Variants in CDH16 observed in about 807,000 individuals in gnomAD.
The protein encoded by CDH16 is cadherin 16, also known as cadherin-16.
In CDH16, 79 loss-of-function variants were observed where a neutral mutation model predicts 87.6. The ratio of observed to expected loss-of-function variants is 0.90; its 90% confidence interval spans 0.75 to 1.09. The LOEUF is 1.09. CDH16 is among the 50% of genes least tolerant of loss of function. CDH16 has a pLI of 0.00. For missense variants in CDH16, 1,124 were observed against 1,071.7 expected (o/e 1.05, Z -0.68); for synonymous variants, 457 against 439.5 (o/e 1.04, Z -0.50).
Position 66,916,120 on chromosome 16 carries a change from C to T in CDH16, c.369G>A (p.Val123=), listed in dbSNP as rs757135504. The change falls in exon 5 of 18, where the codon GTG becomes GTA. Residue 123 remains valine (V), a synonymous_variant. Transcript: ENST00000299752. This position sits in a 1 kb window ranked among gnomAD's most constrained non-coding sequence, Gnocchi z 4.1. ...TGTAGATGGCTTGAGAGAAATGGGG[C>T]ACCTGGTCATTCTCATCCTTCACGT... The part of the protein sequence containing the change: ...LVHVKDENDQ[V]PHFSQAIYRA... 6 of 1,614,104 alleles carry T rather than the reference C, an allele frequency of 3.7e-6. No individual in the cohort carries two copies. In the Admixed American group the frequency reaches 8.3e-5, roughly 22 times the overall value.
In CDH16 at chr16:66,912,015, C is replaced by T; in HGVS notation, c.1674G>A (p.Val558=). Residue 558 remains valine, a synonymous_variant, in exon 13 of 18, where the codon GTG becomes GTA. Transcript: ENST00000299752. ...CCTGGTCCAACTTGGGGGGTGGCAT[C>T]ACTCTCTCCACTAGCACAGTCACCG... The part of the protein sequence containing the change: ...TATVTVLVER[V]MPPPKLDQES... The T allele has an allele frequency of 8.1e-6, 13 of 1,614,160 alleles. No homozygotes were observed. Among genetic ancestry groups the T allele is most frequent in the Non-Finnish European group, 1.1e-5 (13 of 1,180,024 alleles).
Position 66,914,422 on chromosome 16 carries a change from G to A in CDH16, c.584-10C>T, listed in dbSNP as rs1238313286. On this transcript the variant is annotated splice_polypyrimidine_tract_variant and intron_variant, in intron 6 of 17. Coordinates refer to ENST00000299752, the MANE Select transcript of CDH16 (RefSeq NM_004062.4). ...TCAAGGCTGGTGCTCCCTAGAACAG[G>A]GAGGATGGTCAGCTGAGCAGGCAGC... 1.2e-6 allele frequency: 2 copies of A among 1,606,042 alleles called. No homozygotes were observed. The highest frequency in any genetic ancestry group is 1.7e-6 in the Non-Finnish European group (2 of 1,173,810).
Position 66,909,137 on chromosome 16 carries a change from T to C in CDH16, c.2392+130A>G. 1.4e-6 allele frequency: 1 copy of C among 699,848 alleles called. No individual in the cohort carries two copies. Among genetic ancestry groups the C allele is most frequent in the South Asian group, 1.5e-5 (1 of 65,878 alleles). 43.4% of individuals were successfully genotyped at this position (699,848 alleles called of 1,614,324 possible). ...CTATGATCAAAGGGCAGGCGCATAATGACTAGGAGAGTTGGGGGCTTCCTT... is the reference window on the plus strand; with the variant it reads ...CTATGATCAAAGGGCAGGCGCATAACGACTAGGAGAGTTGGGGGCTTCCTT... On this transcript the variant is annotated intron_variant, in intron 17 of 17. Coordinates refer to ENST00000299752, the MANE Select transcript of CDH16 (RefSeq NM_004062.4). This position sits in a 1 kb window ranked among gnomAD's most constrained non-coding sequence, Gnocchi z 4.1.
chr16:66,917,529 C>T, intron 3 of CDH16, 113 bp downstream of exon 3: 1 of 775,822 alleles, frequency 1.3e-6, no homozygotes, highest in Non-Finnish European at 2.3e-6. Flanking sequence ...TACATACTCT[C>T]TGGAAAGCAG....
At chr16:66,917,070 G>C (rs1351541600) in intron 3 of CDH16, among the ~76,000 whole-genome samples, 2 of 151,380 alleles carry the variant, frequency 1.3e-5, no homozygotes, top group Admixed American at 1.3e-4. Flanking sequence ...CGGCTCACCT[G>C]AGGTGAGGTG....
At chr16:66,917,846 C>T (rs1038060609) in intron 2 of CDH16, 121 bp from the exon 3 acceptor site, 15 of 1,014,712 alleles carry the variant, frequency 1.5e-5, no homozygotes, top group East Asian at 7.9e-5. Flanking sequence ...TCCATCCACC[C>T]GCGCTCTGGT....
At chr16:66,912,635 G>A in intron 10 of CDH16, 29 bp downstream of exon 10, 2 of 1,613,968 alleles carry the variant, frequency 1.2e-6, no homozygotes, top group East Asian at 4.5e-5. Context: ...AGGGGACAGG[G>A]GGCCTGGGTC....
Position 66,912,353 on chromosome 16 carries a change from G to C in CDH16, c.1437C>G (p.Leu479=), listed in dbSNP as rs369804638. 7.4e-6 allele frequency: 12 copies of C among 1,614,020 alleles called. No homozygotes were observed. The highest frequency in any genetic ancestry group is 6.7e-5 in the East Asian group (3 of 44,886). The change falls in exon 12 of 18, where the codon CTC becomes CTG. Residue 479 remains leucine (L), a synonymous_variant. Transcript: ENST00000299752. ...VAMLTAIDAD[L]EPAFRLMDFA... Reference sequence around the variant, plus strand: ...AATCCATGAGGCGGAAGGCGGGCTCGAGGTCAGCATCAATGGCTGTTAGCA... The same window carrying C: ...AATCCATGAGGCGGAAGGCGGGCTCCAGGTCAGCATCAATGGCTGTTAGCA...
chr16:66,913,390 C>A, intron 8 of CDH16, 101 bp downstream of exon 8: 1 of 1,573,648 alleles, frequency 6.4e-7, no homozygotes. Flanking sequence ...GGGCTCTTTC[C>A]CACTGCCTCA....
chr16:66,913,359 TG>T, intron 8 of CDH16, 78 bp from the exon 9 acceptor site: 1 of 1,553,038 alleles, frequency 6.4e-7, no homozygotes, highest in Non-Finnish European at 8.7e-7. Flanking sequence ...TTCCTTCCGG[TG>T]GGCCAGCTCC....
chr16:66,913,424 C>T, intron 8 of CDH16, 67 bp downstream of exon 8: 4 of 1,607,396 alleles, frequency 2.5e-6, no homozygotes, highest in Admixed American at 1.7e-5. Context: ...TTGTGACACC[C>T]CCAAAAGCCA....
At position 66,913,507 on chromosome 16, in the gene CDH16, C is replaced by G. The variant is rs777537470; in HGVS notation, c.887G>C (p.Arg296Thr). 1 of 1,614,062 alleles carries G rather than the reference C, an allele frequency of 6.2e-7. No individual in the cohort carries two copies. Among genetic ancestry groups the G allele is most frequent in the African/African-American group, 1.3e-5 (1 of 74,938 alleles). Reference protein sequence around the residue: ...GNLYVTRELDREAQAEYLLQV... With the variant: ...GNLYVTRELDTEAQAEYLLQV... ...TCATATCACCTCAGCCTGGGCTTCT[C>G]TGTCCAGCTCTCTGGTCACGTAGAG... The change falls in exon 8 of 18, where the codon AGA (arginine) becomes ACA (threonine). Residue 296 changes from arginine (R) to threonine (T), a missense_variant. Transcript: ENST00000299752.
chr16:66,910,744 C>G (rs1962377386), intron 14 of CDH16: 1 of 427,666 alleles, frequency 2.3e-6, no homozygotes, highest in Admixed American at 4.1e-5. Context: ...AAACCTGCCT[C>G]CCGGGGCTCC....
Position 66,910,081 on chromosome 16 carries a change from T to A in CDH16, c.2180A>T (p.Tyr727Phe). The change falls in exon 16 of 18, where the codon TAC becomes TTC. Residue 727 changes from tyrosine (Y) to phenylalanine (F), a missense_variant. Tyr to Phe is a conservative substitution (Grantham distance 22). Transcript: ENST00000299752. ...RLQTLNGSHA[Y>F]LTLALHWVEP... ...CACCCAATGCAGGGCCAAGGTGAGG[T>A]AGGCATGGGAACCTTTTGGGACAGC... is the stretch of plus-strand genomic sequence containing the variant. The A allele has an allele frequency of 6.2e-7, 1 of 1,611,550 alleles. No individual in the cohort carries two copies. The highest frequency in any genetic ancestry group is 1.3e-5 in the African/African-American group (1 of 74,962).
At chr16:66,910,888 C>T (rs1596972724) in intron 14 of CDH16, 2 of 409,426 alleles carry the variant, frequency 4.9e-6, no homozygotes, top group East Asian at 8.5e-5. Flanking sequence ...GGCCCTATAC[C>T]AGTCCCTGAA....
Position 66,909,471 on chromosome 16 carries a change from G to A in CDH16, c.2276-88C>T. 1 of 861,046 alleles carries A rather than the reference G, an allele frequency of 1.2e-6. No homozygotes were observed. The highest frequency in any genetic ancestry group is 1.9e-6 in the Non-Finnish European group (1 of 533,448). The allele number at this position is 861,046 out of a possible 1,614,324, so 53.3% of individuals were successfully genotyped here. On this transcript the variant is annotated intron_variant, in intron 16 of 17. Transcript: ENST00000299752. This position sits in a 1 kb window ranked among gnomAD's most constrained non-coding sequence, Gnocchi z 4.1. ...CCCAGCCCAGCCACCTGGCTGATAT[G>A]TGTGTGTTTCTGCACATGTGTGTAT...
intron 5 of CDH16, 135 bp from the exon 6 acceptor site, chr16:66,915,513 T>G: frequency 1.1e-6 from 1 of 936,378 alleles, no homozygotes; most frequent in Non-Finnish European, 1.5e-6. Flanking sequence ...GCCACGGCTT[T>G]TCGTCCTACT....
At chr16:66,911,368 G>T in intron 13 of CDH16, 53 bp from the exon 14 acceptor site, 10 of 1,581,958 alleles carry the variant, frequency 6.3e-6, no homozygotes, top group Non-Finnish European at 7.8e-6. Context: ...ATAGGGTTTT[G>T]CTCAGAATCC....
chr16:66,912,292 C>T lies in CDH16; in HGVS notation c.1498G>A (p.Gly500Ser). 6 of 1,613,950 alleles carry T rather than the reference C, an allele frequency of 3.7e-6. No homozygotes were observed. Among genetic ancestry groups the T allele is most frequent in the Non-Finnish European group, 5.1e-6 (6 of 1,179,874 alleles). ...CCAGAGTCTGGCTCCCAATCCAGGC[C>T]AAAAGTCCCTTCTGTGTCTCCCCTC... ...IERGDTEGTF[G>S]LDWEPDSGHV... Residue 500 changes from glycine (G) to serine (S), a missense_variant, in exon 12 of 18, where the codon GGC becomes AGC. Physicochemically the swap from Gly to Ser is moderately conservative, Grantham distance 56 (BLOSUM62 0). Coordinates refer to ENST00000299752, the MANE Select transcript of CDH16 (RefSeq NM_004062.4).
Sources: gnomAD v4.1 joint callset for allele counts (sites outside exome capture counted in the v4.1 genomes callset) on GRCh38, gnomAD v4.1.1 for gene constraint, Gnocchi (gnomAD v3.1) non-coding constraint, MANE v1.5 for transcripts, NCBI Gene and HGNC (gene_info 2026-07-23, HGNC 2026-07-21) for gene names.